Variants in THAP3 observed in about 807,000 individuals in gnomAD.
THAP3 encodes the protein THAP domain-containing protein 3.
Under a neutral mutation model 17.7 loss-of-function variants are expected in THAP3, and 12 were observed. That is an observed-to-expected ratio of 0.68 (90% CI 0.43 to 1.10). The LOEUF (loss-of-function observed/expected upper bound fraction) is 1.10. THAP3 is among the 50% of genes least tolerant of loss of function. The pLI is 0.00. For missense variants in THAP3, 289 were observed against 318.0 expected, an observed-to-expected ratio of 0.91 and a Z score of 0.69; for synonymous variants, 133 against 126.9, an observed-to-expected ratio of 1.05 and a Z score of -0.32.
At chr1:6,629,437 G>A (rs987844554) in intron 3 of THAP3, among the ~76,000 whole-genome samples, 2 of 152,178 alleles carry the variant, frequency 1.3e-5, no homozygotes, top group Non-Finnish European at 2.9e-5. Flanking sequence ...TGCCCCATCT[G>A]TCCTCCCCAG....
intron 1 of THAP3, 97 bp downstream of exon 1, chr1:6,625,051 C>T: frequency 1.4e-6 from 1 of 734,726 alleles, no homozygotes; most frequent in South Asian, 1.9e-5. Flanking sequence ...TCCCGTCCGA[C>T]CCTGGGGAGA....
At chr1:6,634,617 A>C (rs771650199), downstream of THAP3, 3 of 1,366,356 alleles carry the variant, frequency 2.2e-6, no homozygotes. Context: ...GGCCTCACGT[A>C]ACTTTACTGC....
In THAP3 at chr1:6,630,333, A is replaced by T. The variant is rs751504961; in HGVS notation, c.313A>T (p.Ser105Cys). Residue 105 changes from serine (S) to cysteine (C), a missense_variant, in exon 4 of 6, where the codon AGC (serine) becomes TGC (cysteine). Ser to Cys is a moderately radical substitution (Grantham distance 112). Transcript: ENST00000054650. ...TDPASERGNA[S>C]SSQKEKVLPE... The stretch of plus-strand genomic sequence containing the variant: ...CCCTGCCAGTGAGAGAGGAAATGCC[A>T]GCTCTTCTCAGAAAGAAAAGGTGAG... 1.2e-6 allele frequency: 2 copies of T among 1,614,064 alleles called. No individual in the cohort carries two copies.
In THAP3 at chr1:6,633,517, TC is replaced by T; in HGVS notation, c.*443del. Reference sequence around the variant, plus strand: ...TCGGGGTTCTAAGGAGTGACTCCTGTCCCGGCCTGGTGTGAGTGGGCAGTGT... The same window carrying T: ...TCGGGGTTCTAAGGAGTGACTCCTGTCCGGCCTGGTGTGAGTGGGCAGTGT... On this transcript the variant is annotated 3_prime_UTR_variant, in exon 6 of 6. Coordinates refer to ENST00000054650, the MANE Select transcript of THAP3 (RefSeq NM_001195753.2). The T allele has an allele frequency of 9.0e-7, 1 of 1,105,376 alleles. No individual in the cohort carries two copies. Among genetic ancestry groups the T allele is most frequent in the Non-Finnish European group, 1.1e-6 (1 of 902,430 alleles). The allele number at this position is 1,105,376 out of a possible 1,614,324, so 68.5% of individuals were successfully genotyped here. A position where few individuals can be genotyped will look rare whatever the true frequency, so the allele number is the denominator to read the frequency against.
downstream of THAP3, chr1:6,635,547 A>C: frequency 4.9e-6 from 5 of 1,028,788 alleles, no homozygotes; most frequent in East Asian, 2.6e-5. Context: ...ATAATTGATA[A>C]TGGTACCACC....
rs768766658 is a variant in THAP3, at chr1:6,628,604, G to T, written c.180G>T (p.Arg60=). ...CGGTCATCTGCTCCGAGCACTTCCG[G>T]CCAGAGTGCTTCAGCGCCTTTGGAA... The part of the protein sequence containing the change: ...QHTVICSEHF[R]PECFSAFGNR... The change falls in exon 3 of 6, where the codon CGG becomes CGT. Residue 60 remains arginine, a synonymous_variant. Coordinates refer to ENST00000054650, the MANE Select transcript of THAP3 (RefSeq NM_001195753.2). The T allele has an allele frequency of 6.8e-6, 11 of 1,613,712 alleles. No individual in the cohort carries two copies. In the East Asian group the frequency reaches 2.4e-4, roughly 36 times the overall value.
At chr1:6,635,350 C>T (rs892826031), downstream of THAP3, 22 of 270,324 alleles carry the variant, frequency 8.1e-5, no homozygotes, top group African/African-American at 4.4e-4. Flanking sequence ...CCAAGAACTA[C>T]AGGGCGGCGG....
downstream of THAP3, chr1:6,634,024 T>C: frequency 6.2e-7 from 1 of 1,613,326 alleles, no homozygotes; most frequent in Non-Finnish European, 8.5e-7. Context: ...TCTCAGGCAA[T>C]GTTGTTTAAT....
At position 6,625,143 on chromosome 1, in the gene THAP3, C is replaced by T. The variant is rs930703575; in HGVS notation, c.-69-7C>T. 9 of 1,462,700 alleles carry T rather than the reference C, an allele frequency of 6.2e-6. No homozygotes were observed. The highest frequency in any genetic ancestry group is 6.4e-6 in the Non-Finnish European group (7 of 1,092,194). The allele number at this position is 1,462,700 out of a possible 1,614,324, so 90.6% of individuals were successfully genotyped here. On this transcript the variant is annotated splice_region_variant and splice_polypyrimidine_tract_variant and intron_variant, in intron 1 of 5. Coordinates refer to ENST00000054650, the MANE Select transcript of THAP3 (RefSeq NM_001195753.2). Reference sequence around the variant, plus strand: ...CCACCTCCCAGCGGCCCCGCCCCTCCCCGCAGGTCCCTCCCCTCTCCGCAG... The same window carrying T: ...CCACCTCCCAGCGGCCCCGCCCCTCTCCGCAGGTCCCTCCCCTCTCCGCAG...
chr1:6,630,585 T>C (rs1276871341), intron 4 of THAP3, among the ~76,000 whole-genome samples: 1 of 152,058 alleles, frequency 6.6e-6, no homozygotes, highest in Non-Finnish European at 1.5e-5. Context: ...TTTTCTTTTC[T>C]TTTTTTTGAG....
Position 6,625,297 on chromosome 1 carries a change from G to A in THAP3, c.74+5G>A. 6.5e-7 allele frequency: 1 copy of A among 1,534,384 alleles called. No homozygotes were observed. Among genetic ancestry groups the A allele is most frequent in the Non-Finnish European group, 8.8e-7 (1 of 1,142,594 alleles). On this transcript the variant is annotated splice_donor_5th_base_variant and intron_variant, in intron 2 of 5. Transcript: ENST00000054650. ...GAAGCAGCTCACCTTCCACCGGTAA[G>A]AGGCGGGGACCCGGGGGCGCGGGAG... is the stretch of plus-strand genomic sequence containing the variant.
At position 6,625,145 on chromosome 1, in the gene THAP3, CGCAGGTCCCT is replaced by C; in HGVS notation, c.-69-4_-64del. ...ACCTCCCAGCGGCCCCGCCCCTCCC[CGCAGGTCCCT>C]CCCCTCTCCGCAGGCCCCGCCGCCG... On this transcript the variant is annotated splice_acceptor_variant and splice_polypyrimidine_tract_variant and 5_prime_UTR_variant and intron_variant, in exon 2 of 6. Coordinates refer to ENST00000054650, the MANE Select transcript of THAP3 (RefSeq NM_001195753.2). LOFTEE classifies it low-confidence loss of function (5UTR_SPLICE). 2.7e-6 allele frequency: 4 copies of C among 1,470,640 alleles called. No homozygotes were observed. Among genetic ancestry groups the C allele is most frequent in the Non-Finnish European group, 3.6e-6 (4 of 1,098,236 alleles). The allele number at this position is 1,470,640 out of a possible 1,614,324, so 91.1% of individuals were successfully genotyped here.
chr1:6,630,451 C>T lies in THAP3; in HGVS notation c.333+98C>T, dbSNP rs572615916. ...CAGCAAGGCCGGCCCGCAGGGCTGT[C>T]GCCTTTCCTCATATGCCAGTTTGGA... is the stretch of plus-strand genomic sequence containing the variant. On this transcript the variant is annotated intron_variant, in intron 4 of 5. Transcript: ENST00000054650. The T allele has an allele frequency of 5.3e-4, 646 of 1,218,086 alleles. 2 individuals are homozygous for T. Among genetic ancestry groups the T allele is most frequent in the Middle Eastern group, 6.8e-4 (3 of 4,380 alleles). The allele number at this position is 1,218,086 out of a possible 1,614,324, so 75.5% of individuals were successfully genotyped here.
At chr1:6,626,123 C>T (rs1405768276) in intron 2 of THAP3, among the ~76,000 whole-genome samples, 1 of 151,894 alleles carries the variant, frequency 6.6e-6, no homozygotes, top group Non-Finnish European at 1.5e-5. Context: ...GCCTGGGCAA[C>T]AGAAGGAGAC....
chr1:6,632,857 T>C lies in THAP3; in HGVS notation c.500T>C (p.Leu167Pro), dbSNP rs1202283539. ...GGCCGGCCGACTGGCCCTGCAGGCCTGAGAAGGACCCCCAACAAGCAGCCA... is the reference window on the plus strand; with the variant it reads ...GGCCGGCCGACTGGCCCTGCAGGCCCGAGAAGGACCCCCAACAAGCAGCCA... ...AVGRPTGPAG[L>P]RRTPNKQPSD... The change falls in exon 6 of 6, where the codon CTG becomes CCG. Residue 167 changes from leucine (L) to proline (P), a missense_variant. By Grantham distance (98) the Leu-to-Pro change is moderately conservative (BLOSUM62 -3). Coordinates refer to ENST00000054650, the MANE Select transcript of THAP3 (RefSeq NM_001195753.2). 3 of 1,612,946 alleles carry C rather than the reference T, an allele frequency of 1.9e-6. No homozygotes were observed. Among genetic ancestry groups the C allele is most frequent in the Non-Finnish European group, 2.5e-6 (3 of 1,179,888 alleles).
At chr1:6,632,559 A>G (rs771555392) in intron 5 of THAP3, 64 bp downstream of exon 5, 2 of 1,605,116 alleles carry the variant, frequency 1.2e-6, no homozygotes. Flanking sequence ...AACAAAATGG[A>G]AACCAGTGAG....
At chr1:6,625,347 G>T (rs1422686831) in intron 2 of THAP3, 55 bp downstream of exon 2, 3 of 1,471,898 alleles carry the variant, frequency 2.0e-6, no homozygotes, top group Non-Finnish European at 2.7e-6. Flanking sequence ...CCCGCGGACC[G>T]ACTCCGAGGC....
At chr1:6,635,528 T>C, downstream of THAP3, 1 of 877,890 alleles carries the variant, frequency 1.1e-6, no homozygotes. Flanking sequence ...TGTCTGCATG[T>C]CCCTTCACAT....
downstream of THAP3, chr1:6,634,659 G>C: frequency 7.3e-7 from 1 of 1,366,486 alleles, no homozygotes; most frequent in Non-Finnish European, 9.8e-7. Flanking sequence ...GGGGGTCCTA[G>C]CTCCGCTGCA....
Sources: gnomAD v4.1 joint callset for allele counts (sites outside exome capture counted in the v4.1 genomes callset) on GRCh38, gnomAD v4.1.1 for gene constraint, MANE v1.5 for transcripts, NCBI Gene and HGNC (gene_info 2026-07-23, HGNC 2026-07-21) for gene names.